The following TLE4 variants were observed in gnomAD, a reference collection of about 807,000 sequenced individuals.
TLE4 encodes the protein TLE family member 4, transcriptional corepressor.
A neutral mutation model predicts 92.8 loss-of-function variants in TLE4; 8 were observed. That is an observed-to-expected ratio of 0.09 (90% CI 0.05 to 0.16). The LOEUF is 0.16. TLE4 is among the 10% of genes least tolerant of loss of function. TLE4 has a pLI of 1.00. For missense variants in TLE4, 675 were observed against 997.6 expected (o/e 0.68, Z 4.36); for synonymous variants, 371 against 374.1 (o/e 0.99, Z 0.10).
At chr9:79,577,434 CAATATT>C (rs2038190877) in intron 4 of TLE4, among the ~76,000 whole-genome samples, 1 of 152,098 alleles carries the variant, frequency 6.6e-6, no homozygotes, top group African/African-American at 2.4e-5. Flanking sequence ...TTGGTTATGT[CAATATT>C]AGCATTATAG....
At chr9:79,629,398 T>C (rs2053594830) in intron 6 of TLE4, among the ~76,000 whole-genome samples, 1 of 152,162 alleles carries the variant, frequency 6.6e-6, no homozygotes, top group Non-Finnish European at 1.5e-5. Flanking sequence ...TTATATACTT[T>C]ATTTGGAATG....
At chr9:79,672,714 A>G (rs763919992) in intron 8 of TLE4, among the ~76,000 whole-genome samples, 1 of 152,066 alleles carries the variant, frequency 6.6e-6, no homozygotes, top group African/African-American at 2.4e-5. Flanking sequence ...TGCTTAGCTC[A>G]GGTTTGGAAT....
rs762902756 is a variant in TLE4 at position 79,722,613 on chromosome 9, C to A, written c.2137+12C>A. 2 of 1,611,778 alleles carry A rather than the reference C, an allele frequency of 1.2e-6. No homozygotes were observed. Among genetic ancestry groups the A allele is most frequent in the South Asian group, 1.1e-5 (1 of 90,714 alleles). Reference sequence around the variant, plus strand: ...GTTTGCCCATTGTGGTAAGCAAGCACCTTTTGTCCATTTTCTGTCAACCAG... The same window carrying A: ...GTTTGCCCATTGTGGTAAGCAAGCAACTTTTGTCCATTTTCTGTCAACCAG... On this transcript the variant is annotated intron_variant, in intron 18 of 19. Transcript: ENST00000376552.
intron 5 of TLE4, among the ~76,000 whole-genome samples, chr9:79,621,585 G>C (rs1054897649): frequency 6.6e-6 from 1 of 152,146 alleles, no homozygotes; most frequent in African/African-American, 2.4e-5. Flanking sequence ...ATCAAGGAGA[G>C]ACTGGTTAGG....
At chr9:79,708,446 GA>G in intron 12 of TLE4, 146 bp from the exon 13 acceptor site, 1 of 1,068,288 alleles carries the variant, frequency 9.4e-7, no homozygotes, top group East Asian at 2.5e-5. Flanking sequence ...CAAAGTGAAT[GA>G]GTGAATTCTG....
intron 5 of TLE4, among the ~76,000 whole-genome samples, chr9:79,618,272 C>T (rs753917467): frequency 6.6e-6 from 1 of 152,202 alleles, no homozygotes; most frequent in Non-Finnish European, 1.5e-5. Context: ...CAAACTCTAG[C>T]TTTGACTATG....
chr9:79,722,321 C>T, intron 17 of TLE4, 130 bp from the exon 18 acceptor site: 1 of 1,177,524 alleles, frequency 8.5e-7, no homozygotes, highest in East Asian at 2.6e-5. Context: ...CTTTGGTTCT[C>T]CCCTGTACAA....
chr9:79,596,088 C>T (rs1185796925), intron 4 of TLE4, among the ~76,000 whole-genome samples: 6 of 152,038 alleles, frequency 3.9e-5, no homozygotes, highest in Non-Finnish European at 8.8e-5. Flanking sequence ...CCTCGTGATC[C>T]GCCCGCCCTG....
chr9:79,631,610 C>A (rs529074337), intron 6 of TLE4, among the ~76,000 whole-genome samples: 2 of 88,858 alleles, frequency 2.3e-5, no homozygotes, highest in East Asian at 8.5e-4. Context: ...TATGATTGAA[C>A]CTTAAATGTG....
At chr9:79,645,586 C>G (rs1368199836) in intron 6 of TLE4, among the ~76,000 whole-genome samples, 1 of 152,192 alleles carries the variant, frequency 6.6e-6, no homozygotes, top group Admixed American at 6.5e-5. Context: ...TCCAGTGGTC[C>G]TTTTCTGCCC....
chr9:79,710,552 T>C (rs1358055447), intron 14 of TLE4, among the ~76,000 whole-genome samples: 1 of 152,174 alleles, frequency 6.6e-6, no homozygotes, highest in Non-Finnish European at 1.5e-5. Flanking sequence ...TATCCAGACC[T>C]GACCCTCAGT....
intron 5 of TLE4, among the ~76,000 whole-genome samples, chr9:79,625,389 C>T (rs1418630538): frequency 1.3e-5 from 2 of 152,088 alleles, no homozygotes; most frequent in African/African-American, 2.4e-5. Flanking sequence ...TGTTTTTGAT[C>T]GCTTTTAAAT....
intron 14 of TLE4, among the ~76,000 whole-genome samples, chr9:79,712,453 A>G (rs1412790367): frequency 6.6e-6 from 1 of 152,210 alleles, no homozygotes; most frequent in Non-Finnish European, 1.5e-5. Flanking sequence ...ATTTTTCAAG[A>G]CAAAACTTTT....
intron 14 of TLE4, among the ~76,000 whole-genome samples, chr9:79,713,245 CCTT>C (rs2073771762): frequency 6.6e-6 from 1 of 152,144 alleles, no homozygotes; most frequent in Non-Finnish European, 1.5e-5. Context: ...AAGCCAGTGA[CCTT>C]CTTTAAATAT....
chr9:79,623,406 G>A (rs1457626947), intron 5 of TLE4, among the ~76,000 whole-genome samples: 1 of 151,940 alleles, frequency 6.6e-6, no homozygotes. Flanking sequence ...TTGGACTTAT[G>A]AGCTGGTATT....
chr9:79,592,125 TTTC>T (rs1481494814), intron 4 of TLE4, among the ~76,000 whole-genome samples: 16 of 149,834 alleles, frequency 1.1e-4, no homozygotes, highest in Middle Eastern at 3.4e-3. Context: ...TTCTTTCTTC[TTTC>T]TTCTTCTTTC....
intron 8 of TLE4, among the ~76,000 whole-genome samples, chr9:79,682,154 G>C (rs2064834907): frequency 6.6e-6 from 1 of 152,028 alleles, no homozygotes; most frequent in Non-Finnish European, 1.5e-5. Context: ...TAAATATACA[G>C]GCTCTTTTTA....
intron 5 of TLE4, among the ~76,000 whole-genome samples, chr9:79,624,639 G>A (rs2052004418): frequency 6.6e-6 from 1 of 152,160 alleles, no homozygotes; most frequent in Non-Finnish European, 1.5e-5. Context: ...GCTCACTGGT[G>A]TGCGTTTCCG....
intron 4 of TLE4, among the ~76,000 whole-genome samples, chr9:79,582,229 G>A (rs137931996): frequency 7.3e-4 from 111 of 152,248 alleles, no homozygotes; most frequent in African/African-American, 2.6e-3. Context: ...TTTAAATGAA[G>A]GCAGATGTTT....
Sources: gnomAD v4.1 joint callset for allele counts (sites outside exome capture counted in the v4.1 genomes callset) on GRCh38, gnomAD v4.1.1 for gene constraint, MANE v1.5 for transcripts, NCBI Gene and HGNC (gene_info 2026-07-23, HGNC 2026-07-21) for gene names.